Variants in SLC16A12 observed in about 807,000 individuals in gnomAD.
The protein encoded by SLC16A12 is monocarboxylate transporter 12.
A neutral mutation model predicts 42.4 loss-of-function variants in SLC16A12; 17 were observed. The ratio of observed to expected loss-of-function variants is 0.40; its 90% CI spans 0.27 to 0.60. The LOEUF (loss-of-function observed/expected upper bound fraction) is 0.60. SLC16A12 is among the 20% of genes least tolerant of loss of function. The probability of loss-of-function intolerance (pLI) is 0.42; values close to 1 mark genes in which losing one functional copy is unlikely to be tolerated. For missense variants in SLC16A12, 544 were observed against 623.0 expected (o/e 0.87, Z 1.35); for synonymous variants, 224 against 229.4 (o/e 0.98, Z 0.21).
At chr10:89,447,986 T>A (rs541992014) in intron 3 of SLC16A12, among the ~76,000 whole-genome samples, 1 of 151,986 alleles carries the variant, frequency 6.6e-6, no homozygotes, top group African/African-American at 2.4e-5. Context: ...TATAAACACC[T>A]CTATGCAAAT....
rs571146527 is a variant in SLC16A12, at chr10:89,450,137, T to C, written c.201-6278A>G. Among the ~76,000 whole-genome samples the C allele has an allele frequency of 2.2e-4, 34 of 152,284 alleles. No individual in the cohort carries two copies. In the South Asian group the frequency reaches 3.1e-3, roughly 14 times the overall value. The stretch of plus-strand genomic sequence containing the variant: ...AGGTGCTGGAGAGGATGTGGAGAAA[T>C]AGGAACTCTTTTACACTGTTGGTGG... On this transcript the variant is annotated intron_variant, in intron 3 of 7. Coordinates refer to ENST00000371790, the MANE Select transcript of SLC16A12 (RefSeq NM_213606.4).
At chr10:89,551,320 G>A (rs1723794284) in intron 2 of SLC16A12, among the ~76,000 whole-genome samples, 1 of 152,140 alleles carries the variant, frequency 6.6e-6, no homozygotes. Flanking sequence ...GTGCATGTTT[G>A]TAGTCCCAGC....
intron 2 of SLC16A12, among the ~76,000 whole-genome samples, chr10:89,473,594 T>C (rs1004096283): frequency 1.3e-5 from 2 of 152,224 alleles, no homozygotes; most frequent in African/African-American, 4.8e-5. Flanking sequence ...ACATTTATTA[T>C]AGCAACAAAC....
At chr10:89,523,873 C>G (rs1286311536) in intron 2 of SLC16A12, among the ~76,000 whole-genome samples, 1 of 152,184 alleles carries the variant, frequency 6.6e-6, no homozygotes, top group Non-Finnish European at 1.5e-5. Flanking sequence ...GACCAAAACA[C>G]AGCTAGATAA....
intron 2 of SLC16A12, among the ~76,000 whole-genome samples, chr10:89,502,240 G>C (rs1048521823): frequency 6.6e-6 from 1 of 152,072 alleles, no homozygotes; most frequent in Non-Finnish European, 1.5e-5. Context: ...CATGAGGTCA[G>C]GAGTTCGAGA....
intron 2 of SLC16A12, among the ~76,000 whole-genome samples, chr10:89,493,493 G>A (rs991959042): frequency 1.3e-5 from 2 of 152,106 alleles, no homozygotes; most frequent in Non-Finnish European, 2.9e-5. Context: ...AAATGAATTC[G>A]CTTTTTACTT....
At chr10:89,520,786 C>G (rs1170035771) in intron 2 of SLC16A12, among the ~76,000 whole-genome samples, 1 of 151,680 alleles carries the variant, frequency 6.6e-6, no homozygotes, top group African/African-American at 2.4e-5. Flanking sequence ...TTCTCTGCCC[C>G]TGCCCTTGAG....
intron 2 of SLC16A12, among the ~76,000 whole-genome samples, chr10:89,483,213 T>C (rs1376805604): frequency 3.9e-5 from 6 of 152,178 alleles, no homozygotes; most frequent in Admixed American, 3.9e-4. Context: ...ACTAGTCCTA[T>C]CATGGCCTAC....
At chr10:89,521,061 G>T (rs911060861) in intron 2 of SLC16A12, among the ~76,000 whole-genome samples, 2 of 152,222 alleles carry the variant, frequency 1.3e-5, no homozygotes, top group African/African-American at 2.4e-5. Context: ...CAATGGTCTT[G>T]TAAGAGAAAA....
intron 2 of SLC16A12, among the ~76,000 whole-genome samples, chr10:89,480,737 T>G (rs1842649048): frequency 6.6e-6 from 1 of 152,156 alleles, no homozygotes. Flanking sequence ...AGACCCAGTG[T>G]CTTCATCTTT....
intron 2 of SLC16A12, among the ~76,000 whole-genome samples, chr10:89,511,341 C>G (rs1843159103): frequency 1.3e-5 from 2 of 152,274 alleles, no homozygotes; most frequent in South Asian, 4.1e-4. Flanking sequence ...AAATGCCCAT[C>G]AATGATAGAC....
intron 2 of SLC16A12, among the ~76,000 whole-genome samples, chr10:89,481,095 C>G (rs1261315875): frequency 6.6e-6 from 1 of 152,062 alleles, no homozygotes; most frequent in Non-Finnish European, 1.5e-5. Flanking sequence ...CACAAAAATG[C>G]CCATCTATGT....
chr10:89,531,398 A>G (rs960871447), intron 2 of SLC16A12, among the ~76,000 whole-genome samples: 2 of 152,192 alleles, frequency 1.3e-5, no homozygotes, highest in Non-Finnish European at 2.9e-5. Flanking sequence ...GCTCTGTCTC[A>G]AAGAAAAAAA....
At chr10:89,440,512 T>C (rs1686218119) in intron 5 of SLC16A12, among the ~76,000 whole-genome samples, 1 of 152,228 alleles carries the variant, frequency 6.6e-6, no homozygotes, top group Non-Finnish European at 1.5e-5. Flanking sequence ...CTTTGAGTGA[T>C]AGGCAAACTC....
chr10:89,555,899 C>G (rs1013180373), exon 2 of SLC16A12: 5 of 151,248 alleles, frequency 3.3e-5, no homozygotes, highest in African/African-American at 4.9e-5. Flanking sequence ...TGCTGATGAT[C>G]TGTGATGCGG....
intron 2 of SLC16A12, among the ~76,000 whole-genome samples, chr10:89,494,238 T>C (rs559858985): frequency 1.3e-5 from 2 of 152,364 alleles, no homozygotes; most frequent in Non-Finnish European, 2.9e-5. Context: ...ACGTGCTTTA[T>C]TTCATACACA....
chr10:89,470,754 C>G (rs1430139168), intron 2 of SLC16A12, among the ~76,000 whole-genome samples: 1 of 152,244 alleles, frequency 6.6e-6, no homozygotes, highest in Non-Finnish European at 1.5e-5. Context: ...AGGACAGAAG[C>G]CATCTCCTAG....
chr10:89,444,028 A>G (rs1841958696), intron 3 of SLC16A12, among the ~76,000 whole-genome samples, 169 bp from the exon 4 acceptor site: 2 of 152,224 alleles, frequency 1.3e-5, no homozygotes. Context: ...GCTGGATAAC[A>G]AGAAGAACAA....
chr10:89,500,482 A>T (rs929944862), intron 2 of SLC16A12, among the ~76,000 whole-genome samples: 2 of 152,204 alleles, frequency 1.3e-5, no homozygotes, highest in East Asian at 3.8e-4. Context: ...GAATGTAGGG[A>T]TGGTTTAACA....
Sources: gnomAD v4.1 joint callset for allele counts (sites outside exome capture counted in the v4.1 genomes callset) on GRCh38, gnomAD v4.1.1 for gene constraint, MANE v1.5 for transcripts, NCBI Gene and HGNC (gene_info 2026-07-23, HGNC 2026-07-21) for gene names.